Variants in CPZ observed in about 807,000 individuals in gnomAD.
The protein encoded by CPZ is carboxypeptidase Z.
CPZ carries 103 observed loss-of-function variants against 61.8 expected under a neutral mutation model. The ratio of observed to expected loss-of-function variants is 1.67; its 90% CI spans 1.42 to 1.96. CPZ has a LOEUF of 1.96. Among genes scored for constraint, CPZ ranks in the 30% most tolerant of loss-of-function variants. CPZ has a pLI of 0.00. For missense variants in CPZ, 1,461 were observed against 914.9 expected, an observed-to-expected ratio of 1.60 and a Z score of -7.70; for synonymous variants, 551 against 373.7, an observed-to-expected ratio of 1.47 and a Z score of -5.47.
At position 8,607,485 on chromosome 4, in the gene CPZ, C is replaced by G. The variant is rs955212676; in HGVS notation, c.1227+60C>G. The G allele has an allele frequency of 4.5e-6, 7 of 1,569,062 alleles. No individual in the cohort carries two copies. The African/African-American group carries it at 8.1e-5, about 18-fold the overall frequency. The stretch of plus-strand genomic sequence containing the variant: ...GACAGTGTGCGCGGTCCCCTTGGAG[C>G]TGGTGCCCCTCCAGTCCTGAGCTCA... On this transcript the variant is annotated intron_variant, in intron 7 of 10. Transcript: ENST00000360986.
chr4:8,610,296 T>C (rs1393717710), intron 7 of CPZ, among the ~76,000 whole-genome samples: 1 of 152,254 alleles, frequency 6.6e-6, no homozygotes, highest in Non-Finnish European at 1.5e-5. Flanking sequence ...GTCCTGCACC[T>C]GCCCTCCCAG....
chr4:8,605,778 T>C (rs1453156014), intron 4 of CPZ, among the ~76,000 whole-genome samples: 1 of 152,264 alleles, frequency 6.6e-6, no homozygotes, highest in East Asian at 1.9e-4. Flanking sequence ...TCTTGAGTTA[T>C]GCTAACTAAG....
intron 7 of CPZ, among the ~76,000 whole-genome samples, chr4:8,609,055 C>CTCATACACTCACCCATTCACTCACGTA (rs1560297662): frequency 8.9e-3 from 358 of 40,188 alleles, no homozygotes; most frequent in Middle Eastern, 0.083. Context: ...TCCCTCCCTC[C>CTCATACACTCACCCATTCACTCACGTA]CTCACTCCCT....
chr4:8,606,214 G>T, intron 5 of CPZ, 29 bp downstream of exon 5: 4 of 1,596,610 alleles, frequency 2.5e-6, no homozygotes, highest in Non-Finnish European at 3.4e-6. Flanking sequence ...GGATCCTGTG[G>T]GCCACCGCCC....
intron 3 of CPZ, chr4:8,602,982 T>TGGGAGGCCA (rs1714685717): frequency 6.6e-6 from 1 of 152,274 alleles, no homozygotes; most frequent in East Asian, 1.9e-4. Context: ...GAGCTGCCTG[T>TGGGAGGCCA]GGGAGGCCAG....
rs148258197 is a variant in CPZ, at chr4:8,619,536, G to A, written c.1878G>A (p.Ser626=). 3.2e-6 allele frequency: 5 copies of A among 1,578,164 alleles called. No individual in the cohort carries two copies. Among genetic ancestry groups the A allele is most frequent in the Non-Finnish European group, 4.3e-6 (5 of 1,161,214 alleles). ...CGCTCCGGGCGCGCAGGCAGCCCTC[G>A]GCCGACGGGAGTAAGCCCTGGTGGT... ...PDPLRARRQP[S]ADGSKPWWWS... is the part of the protein sequence containing the mutation. Residue 626 remains serine (S), a synonymous_variant, in exon 11 of 11, where the codon TCG becomes TCA. Transcript: ENST00000360986.
chr4:8,614,246 G>A (rs1715964014), intron 8 of CPZ, 113 bp from the exon 9 acceptor site: 1 of 1,430,836 alleles, frequency 7.0e-7, no homozygotes, highest in Non-Finnish European at 9.4e-7. Flanking sequence ...GGCTGTCTCT[G>A]CGCGGCTGAC....
chr4:8,601,436 C>T lies in CPZ; in HGVS notation c.435C>T (p.Asp145=), dbSNP rs980532884. 6.4e-7 allele frequency: 1 copy of T among 1,553,910 alleles called. No homozygotes were observed. Among genetic ancestry groups the T allele is most frequent in the Non-Finnish European group, 8.7e-7 (1 of 1,148,870 alleles). Residue 145 remains aspartate (D), a synonymous_variant, in exon 3 of 11, where the codon GAC becomes GAT. Transcript: ENST00000360986. ...ACATGGCCTGGCCCTACTTCCTTGA[C>T]TGCCACCGCTACTTCACGAGAGAGG... The part of the protein sequence containing the change: ...AIDMAWPYFL[D]CHRYFTREDE...
intron 7 of CPZ, among the ~76,000 whole-genome samples, chr4:8,608,946 GC>G (rs1446016608): frequency 1.4e-5 from 2 of 146,714 alleles, no homozygotes; most frequent in Admixed American, 1.4e-4. Context: ...CAACACCTGG[GC>G]CACCGGCGCA....
chr4:8,604,245 C>A, intron 4 of CPZ, 57 bp downstream of exon 4: 1 of 1,452,924 alleles, frequency 6.9e-7, no homozygotes. Context: ...GCTTGGGCCG[C>A]TCCACCTTCG....
At chr4:8,607,231 C>T in intron 6 of CPZ, 36 bp from the exon 7 acceptor site, 2 of 1,605,456 alleles carry the variant, frequency 1.2e-6, no homozygotes, top group African/African-American at 1.3e-5. Context: ...AGTGGGAAAG[C>T]CCAGCCCTGA....
At chr4:8,609,241 T>TTGACTTAC (rs1560298289) in intron 7 of CPZ, among the ~76,000 whole-genome samples, 7 of 48,012 alleles carry the variant, frequency 1.5e-4, no homozygotes, top group African/African-American at 5.1e-4. Context: ...TTGTCACTCA[T>TTGACTTAC]TCACTCATCA....
intron 2 of CPZ, among the ~76,000 whole-genome samples, chr4:8,600,385 C>T (rs899838650): frequency 6.6e-6 from 1 of 152,210 alleles, no homozygotes; most frequent in African/African-American, 2.4e-5. Context: ...GATGCCACAT[C>T]GGGAAAGTCC....
rs758061741 is a variant in CPZ at position 8,606,043 on chromosome 4, G to T, written c.764G>T (p.Arg255Leu). Residue 255 changes from arginine to leucine, a missense_variant, in exon 5 of 11, where the codon CGG becomes CTG. Coordinates refer to ENST00000360986, the MANE Select transcript of CPZ (RefSeq NM_001014447.3). ...ATTCATGGCAACGAGGTGGCGGGCC[G>T]GGAGATGCTCATCTACCTAGCCCAG... ...GNIHGNEVAGREMLIYLAQYL... is the reference protein window; with the variant it reads ...GNIHGNEVAGLEMLIYLAQYL... 43 of 1,614,012 alleles carry T rather than the reference G, an allele frequency of 2.7e-5. No homozygotes were observed. Among genetic ancestry groups the T allele is most frequent in the Non-Finnish European group, 3.5e-5 (41 of 1,179,996 alleles).
rs1200777091 is a variant in CPZ, at chr4:8,606,918, A to C, written c.1068+20A>C. ...GGTAAGGTAGGAGCCGCCGCTGCCC[A>C]TGCTGGTCTCCACCAAGGCATCCAG... is the stretch of plus-strand genomic sequence containing the variant. On this transcript the variant is annotated intron_variant, in intron 6 of 10. Transcript: ENST00000360986. 4 of 1,577,966 alleles carry C rather than the reference A, an allele frequency of 2.5e-6. No homozygotes were observed. The highest frequency in any genetic ancestry group is 3.4e-6 in the Non-Finnish European group (4 of 1,161,870).
At chr4:8,599,692 T>G in intron 2 of CPZ, 2 of 1,352,816 alleles carry the variant, frequency 1.5e-6, no homozygotes, top group East Asian at 2.7e-5. Context: ...GTGCACCAGC[T>G]TCCCACCGGG....
intron 9 of CPZ, among the ~76,000 whole-genome samples, chr4:8,617,460 T>C (rs1716275166): frequency 6.6e-6 from 1 of 152,138 alleles, no homozygotes; most frequent in Non-Finnish European, 1.5e-5. Flanking sequence ...TTCTGTGGAC[T>C]CCTCCCTCCA....
chr4:8,605,634 T>TCACCC (rs1553876826), intron 4 of CPZ, among the ~76,000 whole-genome samples: 18 of 148,674 alleles, frequency 1.2e-4, no homozygotes, highest in South Asian at 1.1e-3. Context: ...ATCATTGATA[T>TCACCC]ATCCATTCAT....
At position 8,605,853 on chromosome 4, in the gene CPZ, T is replaced by C. The variant is rs78724262; in HGVS notation, c.710-136T>C. The C allele has an allele frequency of 0.011, 9,244 of 833,710 alleles. 561 individuals are homozygous for C. In the East Asian group the frequency reaches 0.14, roughly 12 times the overall value. The allele number at this position is 833,710 out of a possible 1,614,324, so 51.6% of individuals were successfully genotyped here. ...ATGACCTTGATGAGACCTCATTATA[T>C]ACAGAGGTTCTTGAGTCAAAACAAG... On this transcript the variant is annotated intron_variant, in intron 4 of 10. Transcript: ENST00000360986.
Sources: gnomAD v4.1 joint callset for allele counts (sites outside exome capture counted in the v4.1 genomes callset) on GRCh38, gnomAD v4.1.1 for gene constraint, MANE v1.5 for transcripts, NCBI Gene and HGNC (gene_info 2026-07-23, HGNC 2026-07-21) for gene names.